KHDRBS1: variants seen among roughly 807,000 people sequenced by gnomAD.
The protein encoded by KHDRBS1 is KH RNA binding domain containing, signal transduction associated 1.
KHDRBS1 carries 7 observed loss-of-function variants against 48.4 expected under a neutral mutation model. The ratio of observed to expected loss-of-function variants is 0.14; its 90% CI spans 0.08 to 0.27. The LOEUF (loss-of-function observed/expected upper bound fraction) is 0.27, where lower values mean the gene tolerates loss of function less well. Among genes scored for constraint, KHDRBS1 ranks in the 10% least tolerant of loss-of-function variants. KHDRBS1 has a pLI of 1.00. For synonymous variants in KHDRBS1, 241 were observed against 235.8 expected (o/e 1.02, Z -0.20); for missense variants, 458 against 601.2 (o/e 0.76, Z 2.49).
intron 10 of KHDRBS1, chr1:32,052,866 A>C (rs1361718203): frequency 6.6e-6 from 1 of 152,156 alleles, no homozygotes; most frequent in Non-Finnish European, 1.5e-5. Flanking sequence ...TGAAACTGAG[A>C]CCAGAAAATT....
chr1:32,014,465 T>A, intron 1 of KHDRBS1, 88 bp downstream of exon 1: 1 of 1,219,716 alleles, frequency 8.2e-7, no homozygotes, highest in Admixed American at 4.1e-5. Context: ...TCCCGCCCCC[T>A]CGGGACCGAG....
chr1:32,033,383 C>CT, intron 4 of KHDRBS1, 49 bp downstream of exon 4: 1 of 1,606,254 alleles, frequency 6.2e-7, no homozygotes, highest in Non-Finnish European at 8.5e-7. Flanking sequence ...GAACTGGGAT[C>CT]TTATACTGTT....
At chr1:32,030,461 A>G in intron 2 of KHDRBS1, 39 bp downstream of exon 2, 2 of 1,570,916 alleles carry the variant, frequency 1.3e-6, no homozygotes, top group South Asian at 2.4e-5. Flanking sequence ...AGTTATCTTT[A>G]TAGTTATGAG....
chr1:32,022,167 C>G (rs1386851636), intron 1 of KHDRBS1, among the ~76,000 whole-genome samples: 1 of 151,764 alleles, frequency 6.6e-6, no homozygotes, highest in Non-Finnish European at 1.5e-5. Flanking sequence ...ATCTTTAAAT[C>G]TTTAGTAGAG....
At chr1:32,037,156 C>T in intron 5 of KHDRBS1, 113 bp downstream of exon 5, 1 of 1,176,568 alleles carries the variant, frequency 8.5e-7, no homozygotes, top group Non-Finnish European at 1.2e-6. Context: ...TTGTATGTTG[C>T]ATAAAGAACA....
intron 1 of KHDRBS1, among the ~76,000 whole-genome samples, chr1:32,022,969 T>C (rs933839180): frequency 2.0e-5 from 3 of 152,208 alleles, no homozygotes; most frequent in Non-Finnish European, 4.4e-5. Context: ...AGTTGGTATA[T>C]AATTTTCCCA....
At chr1:32,044,558 T>C (rs1307965529), downstream of KHDRBS1, among the ~76,000 whole-genome samples, 1 of 152,232 alleles carries the variant, frequency 6.6e-6, no homozygotes, top group African/African-American at 2.4e-5. Flanking sequence ...AAAAATCCTC[T>C]TGTATTGAAG....
At chr1:32,014,661 C>A (rs905401301) in intron 1 of KHDRBS1, among the ~76,000 whole-genome samples, 2 of 152,264 alleles carry the variant, frequency 1.3e-5, no homozygotes, top group African/African-American at 4.8e-5. Context: ...ACTCTTCCCT[C>A]CTCCCTCCTC....
rs906704974 is a variant in KHDRBS1, at chr1:32,038,706, C to G, written c.1175+87C>G. The G allele has an allele frequency of 8.5e-6, 11 of 1,300,550 alleles. No individual in the cohort carries two copies. In the African/African-American group the frequency reaches 1.2e-4, roughly 14 times the overall value. 80.6% of individuals were successfully genotyped at this position (1,300,550 alleles called of 1,614,324 possible). ...ACAGAGAGATTTAGACAGTACAACC[C>G]TAAGGAGCAGAATGGTTCGCCTTTT... On this transcript the variant is annotated intron_variant, in intron 7 of 8. Transcript: ENST00000327300.
intron 1 of KHDRBS1, among the ~76,000 whole-genome samples, chr1:32,018,597 A>T (rs1638790892): frequency 6.6e-6 from 1 of 151,764 alleles, no homozygotes; most frequent in Non-Finnish European, 1.5e-5. Flanking sequence ...CTACTAAAAG[A>T]TACAAAAAAA....
At chr1:32,014,524 A>C (rs1289351763) in intron 1 of KHDRBS1, 147 bp downstream of exon 1, 11 of 866,806 alleles carry the variant, frequency 1.3e-5, no homozygotes, top group South Asian at 4.1e-5. Flanking sequence ...CCTGGATTCC[A>C]CATTCCCACC....
At chr1:32,040,402 G>A (rs1379942654) in intron 8 of KHDRBS1, among the ~76,000 whole-genome samples, 1 of 150,716 alleles carries the variant, frequency 6.6e-6, no homozygotes, top group African/African-American at 2.5e-5. Flanking sequence ...GGCAACAAAA[G>A]TCCGTCTCAA....
At chr1:32,037,301 A>T (rs970936516) in intron 5 of KHDRBS1, among the ~76,000 whole-genome samples, 33 of 152,066 alleles carry the variant, frequency 2.2e-4, no homozygotes, top group Admixed American at 1.0e-3. Flanking sequence ...AAAATACAAA[A>T]ATTATCCAGG....
Position 32,031,583 on chromosome 1 carries a change from A to G in KHDRBS1, c.567A>G (p.Glu189=), listed in dbSNP as rs764832191. ...PQGNTIKRLQ[E]ETGAKISVLG... ...GGAATACAATCAAAAGACTGCAGGA[A>G]GAGACTGGTGCAAAGATCTCTGTAT... Residue 189 remains glutamate (E), a synonymous_variant, in exon 3 of 9, where the codon GAA becomes GAG. Coordinates refer to ENST00000327300, the MANE Select transcript of KHDRBS1 (RefSeq NM_006559.3). 6.2e-7 allele frequency: 1 copy of G among 1,612,384 alleles called. No homozygotes were observed. The highest frequency in any genetic ancestry group is 1.1e-5 in the South Asian group (1 of 90,680).
intron 1 of KHDRBS1, among the ~76,000 whole-genome samples, chr1:32,020,458 T>C (rs944572969): frequency 2.6e-5 from 4 of 151,986 alleles, no homozygotes; most frequent in African/African-American, 9.7e-5. Context: ...CGTTCAACAG[T>C]TGCATTCTTG....
At chr1:32,050,892 AATT>A (rs1639411153) in intron 10 of KHDRBS1, among the ~76,000 whole-genome samples, 1 of 147,798 alleles carries the variant, frequency 6.8e-6, no homozygotes, top group Non-Finnish European at 1.5e-5. Flanking sequence ...TGGGGGTTCA[AATT>A]ATTATTTTTT....
intron 8 of KHDRBS1, among the ~76,000 whole-genome samples, chr1:32,041,398 G>C (rs913563120): frequency 1.3e-5 from 2 of 152,062 alleles, no homozygotes; most frequent in African/African-American, 4.8e-5. Context: ...ACTAGCGTGT[G>C]TAAGGTGTGG....
At chr1:32,028,473 T>TAC (rs1253859530) in intron 1 of KHDRBS1, among the ~76,000 whole-genome samples, 3 of 148,920 alleles carry the variant, frequency 2.0e-5, no homozygotes, top group South Asian at 4.2e-4. Flanking sequence ...TATATATATA[T>TAC]ACACGTATAT....
At position 32,031,015 on chromosome 1, in the gene KHDRBS1, G is replaced by A. The variant is rs751209646; in HGVS notation, c.508-509G>A. Among the ~76,000 whole-genome samples, 5 of 152,248 alleles carry A rather than the reference G, an allele frequency of 3.3e-5. No individual in the cohort carries two copies. In the East Asian group the frequency reaches 5.8e-4, roughly 18 times the overall value. ...TGTAATGCCAGCACTTTGGGAGGCCGATGCAGGCAGATTGCTTGAGCCCAG... is the reference window on the plus strand; with the variant it reads ...TGTAATGCCAGCACTTTGGGAGGCCAATGCAGGCAGATTGCTTGAGCCCAG... On this transcript the variant is annotated intron_variant, in intron 2 of 8. Transcript: ENST00000327300.
Sources: allele counts gnomAD v4.1 joint callset (sites outside exome capture counted in the v4.1 genomes callset), GRCh38; gene constraint gnomAD v4.1.1; transcripts MANE v1.5; gene names NCBI Gene and HGNC (gene_info 2026-07-23, HGNC 2026-07-21).